DSE: variants seen among roughly 807,000 people sequenced by gnomAD.
The protein encoded by DSE is dermatan-sulfate epimerase.
Under a neutral mutation model 84.4 loss-of-function variants are expected in DSE, and 36 were observed. The ratio of observed to expected loss-of-function variants is 0.43; its 90% CI spans 0.33 to 0.56. DSE has a LOEUF of 0.56. Among genes scored for constraint, DSE ranks in the 20% least tolerant of loss-of-function variants. DSE has a pLI of 0.06. For synonymous variants in DSE, 410 were observed against 430.1 expected (o/e 0.95, Z 0.58); for missense variants, 862 against 1,169.6 (o/e 0.74, Z 3.84).
chr6:116,435,930 C>T lies in DSE; in HGVS notation c.1462C>T (p.Pro488Ser). Residue 488 changes from proline to serine, a missense_variant, in exon 6 of 6, where the codon CCA becomes TCA. This residue lies in a region of DSE where 186 missense variants were observed against 255.1 expected (regional missense o/e 0.73). Coordinates refer to ENST00000644252, the MANE Select transcript of DSE (RefSeq NM_013352.4). ...TFFNNVLMFS[P>S]AVSKSCFSPW... Reference sequence around the variant, plus strand: ...CTTCAACAATGTTTTGATGTTTTCCCCAGCTGTGTCAAAGAGCTGCTTTTC... The same window carrying T: ...CTTCAACAATGTTTTGATGTTTTCCTCAGCTGTGTCAAAGAGCTGCTTTTC... 6.2e-7 allele frequency: 1 copy of T among 1,614,122 alleles called. No homozygotes were observed. Among genetic ancestry groups the T allele is most frequent in the South Asian group, 1.1e-5 (1 of 91,078 alleles).
intron 2 of DSE, among the ~76,000 whole-genome samples, chr6:116,333,607 T>G (rs1490000268): frequency 6.6e-6 from 1 of 152,186 alleles, no homozygotes; most frequent in Admixed American, 6.5e-5. Context: ...CATATCTACT[T>G]TACAGATGAG....
intron 2 of DSE, chr6:116,280,235 G>C (rs1214771984): frequency 1.4e-5 from 4 of 287,358 alleles, no homozygotes; most frequent in Admixed American, 9.6e-5. Flanking sequence ...ATGTTTTTCT[G>C]GTCTTCACTT....
chr6:116,320,505 G>C (rs1011068157), intron 2 of DSE, among the ~76,000 whole-genome samples: 1 of 151,942 alleles, frequency 6.6e-6, no homozygotes, highest in Non-Finnish European at 1.5e-5. Context: ...GCAGGTTGGG[G>C]CAGGTGAAGG....
In DSE at chr6:116,359,804, C is replaced by T. The variant is rs561747313; in HGVS notation, c.-53-39394C>T. ...TTCAAGCATATGCTAGCTCATCTAT[C>T]GTTCTGAGTGTTGATGTAGCTCATT... is the stretch of plus-strand genomic sequence containing the variant. On this transcript the variant is annotated intron_variant, in intron 2 of 3. Coordinates refer to the DSE transcript ENST00000430252. 4.6e-5 allele frequency among the ~76,000 whole-genome samples: 7 copies of T among 152,248 alleles called. No homozygotes were observed. The South Asian group carries it at 8.3e-4, about 18-fold the overall frequency.
chr6:116,328,406 C>T (rs60936436), intron 2 of DSE, among the ~76,000 whole-genome samples: 11,804 of 152,122 alleles, frequency 0.078, 1,491 homozygotes, highest in African/African-American at 0.26. Context: ...CTTTCTGGAC[C>T]GAGGAGACTG....
chr6:116,299,551 T>TACACACACAC (rs754431712), intron 2 of DSE, among the ~76,000 whole-genome samples: 4 of 53,676 alleles, frequency 7.5e-5, no homozygotes, highest in African/African-American at 1.3e-4. Context: ...TATATATATA[T>TACACACACAC]ACACATACAC....
intron 2 of DSE, among the ~76,000 whole-genome samples, chr6:116,410,764 A>AG (rs1454618746): frequency 7.9e-5 from 11 of 139,850 alleles, no homozygotes; most frequent in Admixed American, 4.5e-4. Flanking sequence ...AAAAAAAAAA[A>AG]AAGAAGAAGA....
At chr6:116,347,063 G>T (rs1305878118) in intron 2 of DSE, among the ~76,000 whole-genome samples, 1 of 152,144 alleles carries the variant, frequency 6.6e-6, no homozygotes, top group Non-Finnish European at 1.5e-5. Context: ...CAACTTACAA[G>T]GGATGTGAAG....
chr6:116,279,672 G>A, intron 2 of DSE: 1 of 1,608,536 alleles, frequency 6.2e-7, no homozygotes, highest in Non-Finnish European at 8.5e-7. Context: ...CGGTCTCCGA[G>A]CCTCCCTCAC....
At chr6:116,427,801 T>C (rs1168921641) in intron 3 of DSE, among the ~76,000 whole-genome samples, 1 of 152,236 alleles carries the variant, frequency 6.6e-6, no homozygotes, top group Non-Finnish European at 1.5e-5. Flanking sequence ...AGAAGGGGAA[T>C]TCCATTTATA....
In DSE at chr6:116,299,549, TATACACATACAC is replaced by T. The variant is rs1450761208; in HGVS notation, c.-54+40584_-54+40595del. ...ATATATATATATATATATATATATA[TATACACATACAC>T]ACACACACACACATACATATATATG... On this transcript the variant is annotated intron_variant, in intron 2 of 3. Transcript: ENST00000430252. Among the ~76,000 whole-genome samples the T allele has an allele frequency of 1.4e-4, 7 of 50,820 alleles. No homozygotes were observed. The South Asian group carries it at 3.1e-3, about 22-fold the overall frequency. The allele number at this position is 50,820 out of a possible 152,430, so 33.3% of individuals were successfully genotyped here.
intron 2 of DSE, among the ~76,000 whole-genome samples, chr6:116,285,641 T>C (rs1773850538): frequency 6.6e-6 from 1 of 152,230 alleles, no homozygotes; most frequent in African/African-American, 2.4e-5. Context: ...TTCTAGGGTT[T>C]TTGTGGTTTT....
rs138807560 is a variant in DSE, at chr6:116,385,547, G to C, written c.-53-13651G>C. On this transcript the variant is annotated intron_variant, in intron 1 of 5. Transcript: ENST00000644252. ...GGAGAAAAGGAGGGGGTGGGGTTGA[G>C]TCCAATTACTGGCAGGATTAGTTGC... Among the ~76,000 whole-genome samples the C allele has an allele frequency of 1.3e-3, 193 of 152,230 alleles. 1 individual carries two copies. Among genetic ancestry groups the C allele is most frequent in the African/African-American group, 3.6e-3 (151 of 41,540 alleles).
At chr6:116,280,057 T>A in intron 2 of DSE, 4 of 647,618 alleles carry the variant, frequency 6.2e-6, no homozygotes, top group Middle Eastern at 4.2e-4. Flanking sequence ...TTCTGTGAAT[T>A]TACCCATAGC....
intron 2 of DSE, among the ~76,000 whole-genome samples, chr6:116,297,685 T>C (rs1025026355): frequency 1.3e-5 from 2 of 152,210 alleles, no homozygotes; most frequent in Non-Finnish European, 2.9e-5. Flanking sequence ...TGAATCTTCT[T>C]AGGATAAATT....
chr6:116,427,554 C>G (rs1160152445), intron 3 of DSE, among the ~76,000 whole-genome samples: 1 of 152,186 alleles, frequency 6.6e-6, no homozygotes, highest in Non-Finnish European at 1.5e-5. Context: ...TGTTGATTAT[C>G]CAGCATCGGA....
At chr6:116,340,274 A>G (rs1562240552) in intron 2 of DSE, among the ~76,000 whole-genome samples, 1 of 152,070 alleles carries the variant, frequency 6.6e-6, no homozygotes, top group Non-Finnish European at 1.5e-5. Context: ...GTATATTGGT[A>G]TACTTGATGT....
chr6:116,410,471 C>G (rs921032788), intron 2 of DSE, among the ~76,000 whole-genome samples: 1 of 152,154 alleles, frequency 6.6e-6, no homozygotes, highest in Non-Finnish European at 1.5e-5. Flanking sequence ...TGGTGGCTCA[C>G]GCCTGTAATC....
intron 1 of DSE, chr6:116,256,406 G>A (rs1033190946): frequency 6.6e-6 from 1 of 152,268 alleles, no homozygotes; most frequent in East Asian, 1.9e-4. Flanking sequence ...GTAGGCACTT[G>A]TAACATAATG....
Sources: allele counts gnomAD v4.1 joint callset (sites outside exome capture counted in the v4.1 genomes callset), GRCh38; gene constraint gnomAD v4.1.1; regional missense constraint gnomAD v4.1.1; transcripts MANE v1.5; gene names NCBI Gene and HGNC (gene_info 2026-07-23, HGNC 2026-07-21).